Variants in TRPM5 observed in about 807,000 individuals in gnomAD.
TRPM5 encodes the protein transient receptor potential cation channel subfamily M member 5.
In TRPM5, 121 loss-of-function variants were observed where a neutral mutation model predicts 124.9. The observed-to-expected ratio is 0.97, with a 90% CI of 0.84 to 1.13. The LOEUF is 1.13. Ranked by LOEUF, TRPM5 falls within the 50% of genes most tolerant of loss-of-function variation. The pLI is 0.00. For synonymous variants in TRPM5, 781 were observed against 700.5 expected, an observed-to-expected ratio of 1.11 and a Z score of -1.81; for missense variants, 1,643 against 1,589.1, an observed-to-expected ratio of 1.03 and a Z score of -0.58.
exon 2 of TRPM5, chr11:2,422,235 C>T (rs745872405): frequency 6.2e-6 from 10 of 1,612,374 alleles, no homozygotes; most frequent in Non-Finnish European, 8.5e-6. Flanking sequence ...CCAGGGACAC[C>T]ACCAGGTTGG....
chr11:2,409,837 A>G (rs1850408255), intron 18 of TRPM5, among the ~76,000 whole-genome samples: 1 of 152,138 alleles, frequency 6.6e-6, no homozygotes, highest in African/African-American at 2.4e-5. Context: ...TCCCCGCAGC[A>G]CCGCAGACCT....
upstream of TRPM5, among the ~76,000 whole-genome samples, chr11:2,426,184 G>A (rs1397411491): frequency 6.6e-6 from 1 of 152,174 alleles, no homozygotes; most frequent in African/African-American, 2.4e-5. Context: ...CCCGAGGACG[G>A]GACAGAGCTG....
exon 24 of TRPM5, chr11:2,404,651 T>C (rs1850276102): frequency 2.1e-6 from 1 of 479,650 alleles, no homozygotes; most frequent in African/African-American, 2.0e-5. Flanking sequence ...CAGTGCAGGC[T>C]GGTCAGTTTC....
chr11:2,412,921 C>T (rs1043244168), exon 15 of TRPM5: 5 of 1,599,172 alleles, frequency 3.1e-6, no homozygotes, highest in Non-Finnish European at 4.3e-6. Flanking sequence ...GTCACGGGAG[C>T]GCCCCAGAAT....
In TRPM5 at chr11:2,413,591, G is replaced by C. The variant is rs530755326; in HGVS notation, c.1891-3C>G. 4 of 1,611,614 alleles carry C rather than the reference G, an allele frequency of 2.5e-6. No individual in the cohort carries two copies. Among genetic ancestry groups the C allele is most frequent in the Non-Finnish European group, 3.4e-6 (4 of 1,179,320 alleles). On this transcript the variant is annotated splice_polypyrimidine_tract_variant and splice_region_variant and intron_variant, in intron 12 of 23. Transcript: ENST00000155858. ...CACCAGATCCTGGTCAGGAAGGCCT[G>C]AGGTGAAGGCAAAACTGTCGGCTCC...
chr11:2,440,163 C>A, the TRPM5 span, among the ~76,000 whole-genome samples: 6 of 152,028 alleles, frequency 3.9e-5, no homozygotes, highest in African/African-American at 1.5e-4. This position sits in a 1 kb window ranked among gnomAD's most constrained non-coding sequence, Gnocchi z 5.2. Context: ...AGAGGGACAA[C>A]AATAGACACT....
At chr11:2,441,782 C>T in the TRPM5 span, among the ~76,000 whole-genome samples, 5 of 152,042 alleles carry the variant, frequency 3.3e-5, no homozygotes, top group Non-Finnish European at 4.4e-5. The surrounding 1 kb of genome is among the most constrained non-coding windows in gnomAD (Gnocchi z 7.2). Context: ...CTCTGCCTCC[C>T]GGGTCCAAGT....
At chr11:2,413,505 G>A in exon 13 of TRPM5, 1 of 1,612,338 alleles carries the variant, frequency 6.2e-7, no homozygotes, top group South Asian at 1.1e-5. Flanking sequence ...TATAGACGAG[G>A]GCGGGGCAGA....
chr11:2,422,446 G>A, intron 1 of TRPM5, 125 bp from the exon 7 acceptor site: 2 of 713,198 alleles, frequency 2.8e-6, no homozygotes, highest in Non-Finnish European at 4.5e-6. Context: ...ACTGGGCACT[G>A]GGAGGTGCTG....
the TRPM5 span, among the ~76,000 whole-genome samples, chr11:2,432,680 C>G: frequency 1.4e-5 from 2 of 147,148 alleles, no homozygotes; most frequent in Non-Finnish European, 2.9e-5. Flanking sequence ...GAAAGATTTG[C>G]AACCCACTTC....
chr11:2,411,392 G>A, exon 18 of TRPM5: 1 of 1,610,744 alleles, frequency 6.2e-7, no homozygotes, highest in Non-Finnish European at 8.5e-7. Flanking sequence ...AGATCTGCAG[G>A]TAGGGCCGGT....
exon 24 of TRPM5, chr11:2,404,816 T>C (rs963693986): frequency 1.4e-4 from 105 of 743,162 alleles, no homozygotes; most frequent in Admixed American, 2.9e-4. Flanking sequence ...AGGAGGGCCA[T>C]TGTCTGCTGG....
chr11:2,414,934 G>A (rs549140530), exon 10 of TRPM5: 47 of 1,604,642 alleles, frequency 2.9e-5, no homozygotes, highest in African/African-American at 8.0e-5. Context: ...TGGCCATCTC[G>A]TGGCGGTTCT....
At chr11:2,409,873 G>C (rs771851872) in intron 18 of TRPM5, among the ~76,000 whole-genome samples, 3 of 152,212 alleles carry the variant, frequency 2.0e-5, no homozygotes, top group Non-Finnish European at 2.9e-5. Flanking sequence ...CGGAGCAGGG[G>C]CCCCTCGGGA....
the TRPM5 span, among the ~76,000 whole-genome samples, chr11:2,438,818 G>A: frequency 2.6e-5 from 4 of 152,060 alleles, no homozygotes; most frequent in African/African-American, 9.7e-5. The surrounding 1 kb of genome is among the most constrained non-coding windows in gnomAD (Gnocchi z 5.9). Context: ...CACAGAATTA[G>A]AAAAACTACT....
chr11:2,437,704 G>A, the TRPM5 span, among the ~76,000 whole-genome samples: 62 of 152,184 alleles, frequency 4.1e-4, no homozygotes, highest in Admixed American at 9.8e-4. This position sits in a 1 kb window ranked among gnomAD's most constrained non-coding sequence, Gnocchi z 5.6. Context: ...TCCTGGGGCC[G>A]ACCCAGCCCC....
exon 15 of TRPM5, chr11:2,412,758 C>T (rs771678337): frequency 2.5e-5 from 40 of 1,594,442 alleles, no homozygotes; most frequent in Admixed American, 1.7e-4. Flanking sequence ...ACCGACCTGC[C>T]GGATTTCCTC....
At chr11:2,428,728 GTGT>G in the TRPM5 span, among the ~76,000 whole-genome samples, 2,033 of 151,838 alleles carry the variant, frequency 0.013, 36 homozygotes, top group African/African-American at 0.047. The surrounding 1 kb of genome is among the most constrained non-coding windows in gnomAD (Gnocchi z 4.0). Context: ...AGTGACTGTG[GTGT>G]TGTTGATGGT....
exon 19 of TRPM5, chr11:2,407,783 A>G (rs757983615): frequency 5.0e-6 from 8 of 1,613,868 alleles, no homozygotes; most frequent in Non-Finnish European, 6.8e-6. Context: ...GAGCAGGTTC[A>G]TGAGCAGCAC....
Sources: allele counts gnomAD v4.1 joint callset (sites outside exome capture counted in the v4.1 genomes callset), GRCh38; gene constraint gnomAD v4.1.1; non-coding constraint Gnocchi (gnomAD v3.1); transcripts MANE v1.5; gene names NCBI Gene and HGNC (gene_info 2026-07-23, HGNC 2026-07-21).